Variants in PRELP observed in about 807,000 individuals in gnomAD.
The protein encoded by PRELP is prolargin.
In PRELP, 16 loss-of-function variants were observed where a neutral mutation model predicts 22.8. The observed-to-expected ratio is 0.70, with a 90% CI of 0.47 to 1.06. PRELP has a LOEUF of 1.06. Ranked by LOEUF, PRELP falls within the 50% of genes least tolerant of loss-of-function variation. PRELP has a pLI of 0.00. For missense variants in PRELP, 434 were observed against 485.2 expected, an observed-to-expected ratio of 0.89 and a Z score of 0.99; for synonymous variants, 233 against 211.4, an observed-to-expected ratio of 1.10 and a Z score of -0.89.
In PRELP at chr1:203,487,974, T is replaced by G. The variant is rs889839182; in HGVS notation, c.*1093T>G. 6.6e-6 allele frequency: 1 copy of G among 152,206 alleles called. No homozygotes were observed. Among genetic ancestry groups the G allele is most frequent in the Admixed American group, 6.5e-5 (1 of 15,280 alleles). The allele number at this position is 152,206 out of a possible 1,614,324, so 9.4% of individuals were successfully genotyped here. On this transcript the variant is annotated 3_prime_UTR_variant, in exon 3 of 3. Transcript: ENST00000343110. ...GTGGGAGTAACAGCTGGTCCCAGTC[T>G]TGCGCCTGGCCCTCTTCCTGGGGTG... is the stretch of plus-strand genomic sequence containing the variant.
At chr1:203,480,891 T>C (rs1660988063) in intron 1 of PRELP, among the ~76,000 whole-genome samples, 1 of 152,218 alleles carries the variant, frequency 6.6e-6, no homozygotes, top group African/African-American at 2.4e-5. Context: ...GGAAGGCCTG[T>C]GTTTACTGTG....
At chr1:203,482,244 G>A (rs1558231272) in intron 1 of PRELP, among the ~76,000 whole-genome samples, 1 of 151,938 alleles carries the variant, frequency 6.6e-6, no homozygotes, top group Non-Finnish European at 1.5e-5. Context: ...ACAAGCCCCA[G>A]GACTCCTGAC....
At chr1:203,484,182 G>GGGGGC in intron 2 of PRELP, 25 bp downstream of exon 2, 1 of 1,585,426 alleles carries the variant, frequency 6.3e-7, no homozygotes, top group Non-Finnish European at 8.6e-7. Context: ...CCGGGGCGGG[G>GGGGGC]CCGAAGGCAA....
chr1:203,479,980 C>T (rs1294494494), intron 1 of PRELP, among the ~76,000 whole-genome samples: 4 of 152,050 alleles, frequency 2.6e-5, no homozygotes, highest in Non-Finnish European at 2.9e-5. Flanking sequence ...TGGCTCACAC[C>T]TGTAATCTCA....
Position 203,487,519 on chromosome 1 carries a change from G to C in PRELP, c.*638G>C. 6.5e-6 allele frequency: 1 copy of C among 153,056 alleles called. No homozygotes were observed. Among genetic ancestry groups the C allele is most frequent in the Non-Finnish European group, 1.5e-5 (1 of 68,234 alleles). The allele number at this position is 153,056 out of a possible 1,614,324, so 9.5% of individuals were successfully genotyped here. A position where few individuals can be genotyped will look rare whatever the true frequency, so the allele number is the denominator to read the frequency against. On this transcript the variant is annotated 3_prime_UTR_variant, in exon 3 of 3. Transcript: ENST00000343110. ...CTGCATCTGGCCAGCAGGACACAGG[G>C]ATGCGCAGGGCGCCCCCTTCTGTTC...
rs1463184626 is a variant in PRELP at position 203,488,159 on chromosome 1, G to T, written c.*1278G>T. ...CCAGGTGAGGACATAGTCGGCTCCC[G>T]TTTGTTGTAGGCCCTTCCCAGGTGC... On this transcript the variant is annotated 3_prime_UTR_variant, in exon 3 of 3. Transcript: ENST00000343110. The T allele has an allele frequency of 2.0e-5, 3 of 152,204 alleles. No homozygotes were observed. The highest frequency in any genetic ancestry group is 6.5e-5 in the Admixed American group (1 of 15,290). The allele number at this position is 152,204 out of a possible 1,614,324, so 9.4% of individuals were successfully genotyped here. A position where few individuals can be genotyped will look rare whatever the true frequency, so the allele number is the denominator to read the frequency against.
At position 203,488,209 on chromosome 1, in the gene PRELP, C is replaced by G. The variant is rs941600367; in HGVS notation, c.*1328C>G. The G allele has an allele frequency of 6.6e-6, 1 of 152,372 alleles. No homozygotes were observed. The highest frequency in any genetic ancestry group is 1.5e-5 in the Non-Finnish European group (1 of 68,168). The allele number at this position is 152,372 out of a possible 1,614,324, so 9.4% of individuals were successfully genotyped here. On this transcript the variant is annotated 3_prime_UTR_variant, in exon 3 of 3. Coordinates refer to ENST00000343110, the MANE Select transcript of PRELP (RefSeq NM_002725.4). ...CCTTCTCAGCTCCCTCATCTGTAAA[C>G]CGAGGAGGTGGATAAGATGCTCCCG...
At chr1:203,476,205 G>C (rs546284296) in intron 1 of PRELP, among the ~76,000 whole-genome samples, 2 of 152,260 alleles carry the variant, frequency 1.3e-5, no homozygotes, top group African/African-American at 4.8e-5. Flanking sequence ...GTAGCACAGA[G>C]AGCCACGCTG....
At chr1:203,486,679 C>G (rs1442585032) in intron 2 of PRELP, 27 bp from the exon 3 acceptor site, 1 of 1,594,994 alleles carries the variant, frequency 6.3e-7, no homozygotes, top group Non-Finnish European at 8.6e-7. Context: ...CCACTCCCTT[C>G]TGATTTCTCG....
At position 203,483,463 on chromosome 1, in the gene PRELP, C is replaced by A. The variant is rs1661041670; in HGVS notation, c.279C>A (p.Asn93Lys). 1 of 1,614,210 alleles carries A rather than the reference C, an allele frequency of 6.2e-7. No homozygotes were observed. Among genetic ancestry groups the A allele is most frequent in the Non-Finnish European group, 8.5e-7 (1 of 1,180,028 alleles). ...FPSALYCDSR[N>K]LRKVPVIPPR... ...CTGCCCTCTACTGTGATAGCCGCAA[C>A]CTGCGAAAGGTCCCTGTCATCCCGC... The change falls in exon 2 of 3, where the codon AAC becomes AAA. Residue 93 changes from asparagine (N) to lysine (K), a missense_variant. Asn to Lys is a moderately conservative substitution (Grantham distance 94, BLOSUM62 0). Transcript: ENST00000343110. This position sits in a 1 kb window ranked among gnomAD's most constrained non-coding sequence, Gnocchi z 4.4.
chr1:203,486,161 C>T (rs572404928), intron 2 of PRELP, among the ~76,000 whole-genome samples: 99 of 152,296 alleles, frequency 6.5e-4, no homozygotes, highest in Middle Eastern at 6.8e-3. Context: ...CCAGATTTAA[C>T]GCTCCAGGAT....
intron 1 of PRELP, among the ~76,000 whole-genome samples, chr1:203,482,743 A>G (rs578212394): frequency 2.0e-5 from 3 of 151,356 alleles, no homozygotes; most frequent in South Asian, 2.1e-4. Context: ...GATTACAGGC[A>G]CCCGCCACCA....
intron 1 of PRELP, among the ~76,000 whole-genome samples, chr1:203,476,139 G>A (rs1660908461): frequency 6.6e-6 from 1 of 151,820 alleles, no homozygotes; most frequent in South Asian, 2.1e-4. Context: ...TCATCACTCT[G>A]TACCCCTATA....
Position 203,487,004 on chromosome 1 carries a change from C to T in PRELP, c.*123C>T, listed in dbSNP as rs546968923. On this transcript the variant is annotated 3_prime_UTR_variant, in exon 3 of 3. Coordinates refer to ENST00000343110, the MANE Select transcript of PRELP (RefSeq NM_002725.4). ...CCCAGCTTTGCCTCCCTTATCCCACCCTCGAGGCAGGGAAAAGCCATCTAT... is the reference window on the plus strand; with the variant it reads ...CCCAGCTTTGCCTCCCTTATCCCACTCTCGAGGCAGGGAAAAGCCATCTAT... 7.0e-6 allele frequency: 8 copies of T among 1,147,526 alleles called. No homozygotes were observed. The South Asian group carries it at 1.4e-4, about 20-fold the overall frequency. The allele number at this position is 1,147,526 out of a possible 1,614,324, so 71.1% of individuals were successfully genotyped here. A position where few individuals can be genotyped will look rare whatever the true frequency, so the allele number is the denominator to read the frequency against.
At chr1:203,478,016 G>A (rs1409938528) in intron 1 of PRELP, among the ~76,000 whole-genome samples, 3 of 152,224 alleles carry the variant, frequency 2.0e-5, no homozygotes, top group Non-Finnish European at 4.4e-5. Context: ...CCTTCGAGCA[G>A]TGCATGGGGG....
intron 1 of PRELP, among the ~76,000 whole-genome samples, chr1:203,476,642 TC>T: frequency 3.9e-5 from 6 of 152,134 alleles, no homozygotes; most frequent in African/African-American, 1.4e-4. Flanking sequence ...TGGAAGGGTT[TC>T]TTCATTATTT....
At position 203,487,426 on chromosome 1, in the gene PRELP, C is replaced by G. The variant is rs1302877326; in HGVS notation, c.*545C>G. ...AGACATCGCCCTGGCCCTGCTGGCC[C>G]GGGTATCGGGAAGGAGGAGCGAGGG... On this transcript the variant is annotated 3_prime_UTR_variant, in exon 3 of 3. Coordinates refer to ENST00000343110, the MANE Select transcript of PRELP (RefSeq NM_002725.4). 14 of 153,076 alleles carry G rather than the reference C, an allele frequency of 9.1e-5. No homozygotes were observed. Among genetic ancestry groups the G allele is most frequent in the Admixed American group, 8.5e-4 (13 of 15,312 alleles). 9.5% of individuals were successfully genotyped at this position (153,076 alleles called of 1,614,324 possible). A position where few individuals can be genotyped will look rare whatever the true frequency, so the allele number is the denominator to read the frequency against.
Position 203,489,459 on chromosome 1 carries a change from A to G in PRELP, c.*2578A>G, listed in dbSNP as rs1490713317. 2.6e-5 allele frequency: 4 copies of G among 152,156 alleles called. No individual in the cohort carries two copies. The highest frequency in any genetic ancestry group is 5.9e-5 in the Non-Finnish European group (4 of 68,030). 9.4% of individuals were successfully genotyped at this position (152,156 alleles called of 1,614,324 possible). On this transcript the variant is annotated 3_prime_UTR_variant, in exon 3 of 3. Coordinates refer to ENST00000343110, the MANE Select transcript of PRELP (RefSeq NM_002725.4). ...CTCCATGCACAAGTTCATTCCCTCC[A>G]TGCTGTCGTCATCGACATATACAGG...
chr1:203,483,891 T>G lies in PRELP; in HGVS notation c.707T>G (p.Met236Arg). Reference sequence around the variant, plus strand: ...CTGGCCCACAACATCCTGAGAAAGATGCCGCCCAGGGTCCCCACCGCCATT... The same window carrying G: ...CTGGCCCACAACATCCTGAGAAAGAGGCCGCCCAGGGTCCCCACCGCCATT... Reference protein sequence around the residue: ...LNLAHNILRKMPPRVPTAIHQ... With the variant: ...LNLAHNILRKRPPRVPTAIHQ... The change falls in exon 2 of 3, where the codon ATG becomes AGG. Residue 236 changes from methionine (M) to arginine (R), a missense_variant. Met to Arg is a moderately conservative substitution (Grantham distance 91, BLOSUM62 -1). Coordinates refer to ENST00000343110, the MANE Select transcript of PRELP (RefSeq NM_002725.4). The surrounding 1 kb of genome is among the most constrained non-coding windows in gnomAD (Gnocchi z 4.4). 1 of 1,614,210 alleles carries G rather than the reference T, an allele frequency of 6.2e-7. No homozygotes were observed. The highest frequency in any genetic ancestry group is 1.6e-4 in the Middle Eastern group (1 of 6,062).
Sources: allele counts gnomAD v4.1 joint callset (sites outside exome capture counted in the v4.1 genomes callset), GRCh38; gene constraint gnomAD v4.1.1; non-coding constraint Gnocchi (gnomAD v3.1); transcripts MANE v1.5; gene names NCBI Gene and HGNC (gene_info 2026-07-23, HGNC 2026-07-21).